Variants in CHIA observed in about 807,000 individuals in gnomAD.
CHIA encodes acidic mammalian chitinase.
Under a neutral mutation model 53.5 loss-of-function variants are expected in CHIA, and 47 were observed. The observed-to-expected ratio is 0.88, with a 90% CI of 0.70 to 1.12. CHIA has a LOEUF of 1.12. Among genes scored for constraint, CHIA ranks in the 50% most tolerant of loss-of-function variants. The pLI, the probability that CHIA is intolerant of heterozygous loss-of-function variation, is 0.00. For synonymous variants in CHIA, 268 were observed against 222.2 expected, an observed-to-expected ratio of 1.21 and a Z score of -1.83; for missense variants, 652 against 592.2, an observed-to-expected ratio of 1.10 and a Z score of -1.05.
chr1:111,291,993 A>G (rs539905475), intron 1 of CHIA, among the ~76,000 whole-genome samples: 2 of 152,296 alleles, frequency 1.3e-5, no homozygotes, highest in East Asian at 3.9e-4. Context: ...CTTAAAATAA[A>G]ATAGAATTAA....
chr1:111,315,151 C>A, intron 5 of CHIA, 119 bp from the exon 6 acceptor site: 1 of 710,218 alleles, frequency 1.4e-6, no homozygotes, highest in Non-Finnish European at 2.5e-6. Context: ...CAAGAACATG[C>A]TTTACTCTGG....
At chr1:111,303,753 A>G (rs985948599) in intron 1 of CHIA, among the ~76,000 whole-genome samples, 8 of 152,214 alleles carry the variant, frequency 5.3e-5, no homozygotes, top group Non-Finnish European at 1.0e-4. Context: ...AATTATGTGG[A>G]GAACAAAAAG....
rs1213162294 is a variant in CHIA, at chr1:111,318,642, C to T, written c.879C>T (p.Pro293=). ...CCTCTGGTGCTGGTCCTGCTGGGCC[C>T]TATGCCAAGGAGTCTGGGATCTGGG... ...APTSGAGPAG[P]YAKESGIWAY... Residue 293 remains proline, a synonymous_variant, in exon 9 of 12, where the codon CCC becomes CCT. Transcript: ENST00000369740. 1 of 1,614,126 alleles carries T rather than the reference C, an allele frequency of 6.2e-7. No homozygotes were observed. The highest frequency in any genetic ancestry group is 1.3e-5 in the African/African-American group (1 of 75,066).
At chr1:111,317,932 A>G (rs925731271) in intron 7 of CHIA, 54 bp from the exon 8 acceptor site, 6 of 1,613,174 alleles carry the variant, frequency 3.7e-6, no homozygotes, top group Non-Finnish European at 5.1e-6. Context: ...CTGTGCCTGC[A>G]TAGGTGTGGG....
chr1:111,300,620 A>G (rs912001952), intron 1 of CHIA, among the ~76,000 whole-genome samples: 2 of 152,238 alleles, frequency 1.3e-5, no homozygotes, highest in Admixed American at 6.5e-5. Flanking sequence ...ACTTAAAACC[A>G]TAAAAACCCT....
chr1:111,318,713 T>G, intron 9 of CHIA, 35 bp downstream of exon 9: 2 of 1,586,808 alleles, frequency 1.3e-6, no homozygotes, highest in Non-Finnish European at 1.7e-6. Flanking sequence ...CTCTGTGAAT[T>G]CCGTGCACTG....
intron 1 of CHIA, among the ~76,000 whole-genome samples, chr1:111,309,543 A>T (rs879547069): frequency 2.0e-5 from 3 of 152,246 alleles, no homozygotes; most frequent in Non-Finnish European, 4.4e-5. Context: ...AGTGAGGATA[A>T]GGAGACACTG....
At chr1:111,309,158 G>T (rs1201574428) in intron 1 of CHIA, among the ~76,000 whole-genome samples, 2 of 152,208 alleles carry the variant, frequency 1.3e-5, no homozygotes, top group East Asian at 3.8e-4. Context: ...TGCACACCTT[G>T]CACATGCACC....
In CHIA at chr1:111,312,279, T is replaced by C. The variant is rs1280344182; in HGVS notation, c.145T>C (p.Cys49Arg). The C allele has an allele frequency of 1.2e-6, 2 of 1,613,808 alleles. No individual in the cohort carries two copies. The highest frequency in any genetic ancestry group is 2.2e-5 in the South Asian group (2 of 91,074). ...GRFMPDNIDP[C>R]LCTHLIYAFA... Reference sequence around the variant, plus strand: ...CTTCATGCCTGACAACATCGACCCCTGCCTCTGTACCCACCTGATCTACGC... The same window carrying C: ...CTTCATGCCTGACAACATCGACCCCCGCCTCTGTACCCACCTGATCTACGC... Residue 49 changes from cysteine (C) to arginine (R), a missense_variant, in exon 4 of 12, where the codon TGC (cysteine) becomes CGC (arginine). Coordinates refer to ENST00000369740, the MANE Select transcript of CHIA (RefSeq NM_201653.4).
intron 4 of CHIA, among the ~76,000 whole-genome samples, chr1:111,313,379 T>C (rs1169644211): frequency 6.6e-6 from 1 of 152,218 alleles, no homozygotes; most frequent in Non-Finnish European, 1.5e-5. Flanking sequence ...TTGATTTTGA[T>C]ATGTATTTCT....
At position 111,310,415 on chromosome 1, in the gene CHIA, C is replaced by A. The variant is rs994814608; in HGVS notation, c.-53C>A. The A allele has an allele frequency of 5.7e-5, 92 of 1,610,628 alleles. No homozygotes were observed. Among genetic ancestry groups the A allele is most frequent in the Admixed American group, 5.1e-5 (3 of 59,382 alleles). On this transcript the variant is annotated 5_prime_UTR_variant, in exon 2 of 12. Transcript: ENST00000369740. ...CTCTATTTAGAAGCCTTTGTGATAA[C>A]CACAGAATCAGAACATATAAAAAGC... is the stretch of plus-strand genomic sequence containing the variant.
intron 4 of CHIA, among the ~76,000 whole-genome samples, chr1:111,313,242 A>G (rs900495432): frequency 6.6e-6 from 1 of 152,200 alleles, no homozygotes; most frequent in Non-Finnish European, 1.5e-5. Context: ...ATTTTCCATA[A>G]TGGGTATACT....
chr1:111,319,034 G>A (rs921942849), intron 9 of CHIA, 86 bp from the exon 10 acceptor site: 3 of 1,503,436 alleles, frequency 2.0e-6, no homozygotes, highest in Non-Finnish European at 2.7e-6. Flanking sequence ...ACCCCAACTG[G>A]AGACATGAAA....
chr1:111,310,814 G>A (rs1220402366), intron 2 of CHIA, among the ~76,000 whole-genome samples: 3 of 151,834 alleles, frequency 2.0e-5, no homozygotes, highest in East Asian at 3.8e-4. Context: ...TTCTTCCTAC[G>A]CCATCTCATT....
intron 2 of CHIA, 73 bp from the exon 3 acceptor site, chr1:111,311,616 T>G: frequency 6.5e-7 from 1 of 1,546,872 alleles, no homozygotes; most frequent in Non-Finnish European, 8.9e-7. Flanking sequence ...TGGAAGGCAA[T>G]CAATCCTTCA....
intron 2 of CHIA, 34 bp downstream of exon 2, chr1:111,310,526 T>C (rs1455071127): frequency 1.2e-6 from 2 of 1,613,852 alleles, no homozygotes; most frequent in African/African-American, 2.7e-5. Flanking sequence ...CCCTTCATCT[T>C]ATCTAGTTTC....
intron 1 of CHIA, among the ~76,000 whole-genome samples, chr1:111,292,975 C>T (rs139010933): frequency 6.6e-6 from 1 of 152,204 alleles, no homozygotes; most frequent in East Asian, 1.9e-4. Flanking sequence ...TTTTGTTATC[C>T]ATTCATTCAC....
chr1:111,315,865 ATTAC>A, intron 6 of CHIA: 1 of 448,128 alleles, frequency 2.2e-6, no homozygotes, highest in South Asian at 1.6e-5. Flanking sequence ...GCTGCCCGTT[ATTAC>A]TGAGTACATA....
intron 5 of CHIA, 114 bp from the exon 6 acceptor site, chr1:111,315,156 C>G: frequency 4.1e-6 from 3 of 736,956 alleles, no homozygotes; most frequent in Non-Finnish European, 7.1e-6. Flanking sequence ...ACATGCTTTA[C>G]TCTGGGCTGT....
Sources: allele counts gnomAD v4.1 joint callset (sites outside exome capture counted in the v4.1 genomes callset), GRCh38; gene constraint gnomAD v4.1.1; transcripts MANE v1.5; gene names NCBI Gene and HGNC (gene_info 2026-07-23, HGNC 2026-07-21).